Variants in BCAR3 observed in about 807,000 individuals in gnomAD.
BCAR3 encodes the protein breast cancer anti-estrogen resistance protein 3.
A neutral mutation model predicts 80.1 loss-of-function variants in BCAR3; 37 were observed. That is an observed-to-expected ratio of 0.46 (90% CI 0.36 to 0.61). The LOEUF (loss-of-function observed/expected upper bound fraction) is 0.61, where lower values mean the gene tolerates loss of function less well. BCAR3 is among the 20% of genes least tolerant of loss of function. BCAR3 has a pLI of 0.00. For synonymous variants in BCAR3, 389 were observed against 418.9 expected (o/e 0.93, Z 0.87); for missense variants, 978 against 1,068.2 (o/e 0.92, Z 1.18).
At chr1:93,820,992 A>T (rs12408194) in intron 2 of BCAR3, among the ~76,000 whole-genome samples, 14,748 of 151,642 alleles carry the variant, frequency 0.097, 896 homozygotes, top group East Asian at 0.18. Flanking sequence ...TAGTTACATT[A>T]TAAAAAAACA....
intron 3 of BCAR3, among the ~76,000 whole-genome samples, chr1:93,630,839 A>T (rs1219570192): frequency 6.6e-6 from 1 of 152,168 alleles, no homozygotes; most frequent in Non-Finnish European, 1.5e-5. Flanking sequence ...AGAACTTCAC[A>T]TGTATTCACT....
At position 93,592,174 on chromosome 1, in the gene BCAR3, A is replaced by C. The variant is rs1674232000; in HGVS notation, c.486+91T>G. The C allele has an allele frequency of 1.3e-6, 2 of 1,550,282 alleles. No individual in the cohort carries two copies. The highest frequency in any genetic ancestry group is 1.7e-6 in the Non-Finnish European group (2 of 1,144,934). The stretch of plus-strand genomic sequence containing the variant: ...TTTGGTTACACAGGTGCTTCCGCCC[A>C]TGTGGCCTCGGAGTGGGACCCTGCG... On this transcript the variant is annotated intron_variant, in intron 4 of 11. Transcript: ENST00000260502. The surrounding 1 kb of genome is among the most constrained non-coding windows in gnomAD (Gnocchi z 4.8).
intron 3 of BCAR3, chr1:93,600,778 G>A (rs1674597721): frequency 6.6e-6 from 1 of 152,314 alleles, no homozygotes; most frequent in South Asian, 2.1e-4. Flanking sequence ...GGCCTGGCAG[G>A]AGTCCAGGAT....
At chr1:93,669,532 C>CA (rs1400225271) in intron 2 of BCAR3, among the ~76,000 whole-genome samples, 4 of 152,188 alleles carry the variant, frequency 2.6e-5, no homozygotes, top group African/African-American at 9.7e-5. Context: ...ACTAATGAAA[C>CA]ACCACATTGT....
At chr1:93,705,562 G>A (rs1253465551) in intron 3 of BCAR3, among the ~76,000 whole-genome samples, 1 of 152,200 alleles carries the variant, frequency 6.6e-6, no homozygotes, top group Admixed American at 6.5e-5. Flanking sequence ...TGGTTCAACT[G>A]CAGTTTCCCC....
intron 3 of BCAR3, among the ~76,000 whole-genome samples, chr1:93,699,220 C>T (rs1410101456): frequency 6.6e-6 from 1 of 152,360 alleles, no homozygotes; most frequent in South Asian, 2.1e-4. Context: ...TCCCCTCTGT[C>T]TGGCTCCGAC....
intron 2 of BCAR3, among the ~76,000 whole-genome samples, chr1:93,789,207 T>C (rs7553438): frequency 0.14 from 21,498 of 152,078 alleles, 2,471 homozygotes; most frequent in African/African-American, 0.31. Context: ...AACGTGTGGC[T>C]TCAAGCAATC....
At chr1:93,703,773 G>A (rs1457828356) in intron 3 of BCAR3, among the ~76,000 whole-genome samples, 3 of 152,190 alleles carry the variant, frequency 2.0e-5, no homozygotes, top group Non-Finnish European at 4.4e-5. Flanking sequence ...TGAGCAAGGT[G>A]CATAAGGCCC....
intron 3 of BCAR3, among the ~76,000 whole-genome samples, chr1:93,638,571 C>T (rs1210260059): frequency 6.6e-6 from 1 of 151,608 alleles, no homozygotes; most frequent in African/African-American, 2.4e-5. Flanking sequence ...AAGATATTTC[C>T]TCCTATTAAA....
At chr1:93,650,341 T>C (rs1676283806) in intron 2 of BCAR3, among the ~76,000 whole-genome samples, 1 of 152,170 alleles carries the variant, frequency 6.6e-6, no homozygotes, top group Non-Finnish European at 1.5e-5. Context: ...GCCGAAATTA[T>C]GCCATTGCAC....
intron 2 of BCAR3, among the ~76,000 whole-genome samples, chr1:93,782,800 A>G (rs11164990): frequency 0.13 from 20,519 of 152,186 alleles, 2,169 homozygotes; most frequent in African/African-American, 0.28. Flanking sequence ...TGGATAGTAT[A>G]CGATTGATGG....
At position 93,582,909 on chromosome 1, in the gene BCAR3, A is replaced by C. The variant is rs760974846; in HGVS notation, c.1078T>G (p.Cys360Gly). ...PQSSGVDTSP[C>G]PNSPVFRTGS... ...GTCCTGAACACAGGTGAGTTTGGGC[A>C]GGGGCTTGTGTCCACACCCGAGGAC... The change falls in exon 7 of 12, where the codon TGC becomes GGC. Residue 360 changes from cysteine (C) to glycine (G), a missense_variant. Transcript: ENST00000260502. The C allele has an allele frequency of 3.7e-6, 6 of 1,605,156 alleles. No homozygotes were observed. In the African/African-American group the frequency reaches 6.7e-5, roughly 18 times the overall value.
chr1:93,828,491 G>A (rs949883133), intron 2 of BCAR3, among the ~76,000 whole-genome samples: 2 of 152,066 alleles, frequency 1.3e-5, no homozygotes, highest in Admixed American at 1.3e-4. Flanking sequence ...TGCTCCAGAG[G>A]GGTTCTCCCC....
At position 93,709,109 on chromosome 1, in the gene BCAR3, C is replaced by T. The variant is rs142292433; in HGVS notation, c.-62-2967G>A. ...TGGAAAAGGGAGGGCCTGGGAGCCC[C>T]GATGAAGTCAGAGCTTTTCCCCTCC... On this transcript the variant is annotated intron_variant, in intron 2 of 13. Coordinates refer to the BCAR3 transcript ENST00000370244. 3.0e-4 allele frequency among the ~76,000 whole-genome samples: 46 copies of T among 152,234 alleles called. 1 individual carries two copies. In the East Asian group the frequency reaches 8.3e-3, roughly 28 times the overall value.
intron 3 of BCAR3, among the ~76,000 whole-genome samples, chr1:93,690,642 A>G (rs11586827): frequency 2.7e-4 from 41 of 152,338 alleles, no homozygotes; most frequent in Non-Finnish European, 4.1e-4. Flanking sequence ...AGATTTTGCA[A>G]GTTAGCTGTG....
chr1:93,847,377 A>G (rs367632067), upstream of BCAR3: 512 of 154,440 alleles, frequency 3.3e-3, 2 homozygotes, highest in Non-Finnish European at 5.0e-3. Context: ...CCTTGGCTCA[A>G]CTGGGTCGCC....
intron 3 of BCAR3, among the ~76,000 whole-genome samples, chr1:93,640,928 C>A (rs1675956763): frequency 6.6e-6 from 1 of 152,232 alleles, no homozygotes. Flanking sequence ...TTGTTACACA[C>A]TGCAGAATTC....
chr1:93,711,869 T>C lies in BCAR3; in HGVS notation c.-62-5727A>G, dbSNP rs1032136455. On this transcript the variant is annotated intron_variant, in intron 2 of 13. Transcript: ENST00000370244. ...TGACCTGCAAAACATGGACATTGCA[T>C]AGAACTCTACTAGATGATGAAAAAA... Among the ~76,000 whole-genome samples, 5 of 152,168 alleles carry C rather than the reference T, an allele frequency of 3.3e-5. No homozygotes were observed. In the South Asian group the frequency reaches 8.3e-4, roughly 25 times the overall value.
intron 2 of BCAR3, among the ~76,000 whole-genome samples, chr1:93,752,633 G>A (rs1250481205): frequency 6.6e-6 from 1 of 152,200 alleles, no homozygotes; most frequent in East Asian, 1.9e-4. Flanking sequence ...ATTTGCATTT[G>A]GACGCACTTT....
Sources: allele counts gnomAD v4.1 joint callset (sites outside exome capture counted in the v4.1 genomes callset), GRCh38; gene constraint gnomAD v4.1.1; non-coding constraint Gnocchi (gnomAD v3.1); transcripts MANE v1.5; gene names NCBI Gene and HGNC (gene_info 2026-07-23, HGNC 2026-07-21).